The following EYS variants were observed in gnomAD, a reference collection of about 807,000 sequenced individuals.
EYS encodes the protein protein eyes shut homolog.
EYS carries 250 observed loss-of-function variants against 282.1 expected under a neutral mutation model. The ratio of observed to expected loss-of-function variants is 0.89; its 90% confidence interval spans 0.80 to 0.98. The LOEUF (loss-of-function observed/expected upper bound fraction) is 0.98, where lower values mean the gene tolerates loss of function less well. EYS is among the 50% of genes least tolerant of loss of function. The probability of loss-of-function intolerance (pLI) is 0.00; values close to 1 mark genes in which losing one functional copy is unlikely to be tolerated. For missense variants in EYS, 4,016 were observed against 3,709.0 expected (o/e 1.08, Z -2.15); for synonymous variants, 1,355 against 1,282.9 (o/e 1.06, Z -1.20).
rs183398983 is a variant in EYS at position 65,103,806 on chromosome 6, A to C, written c.2024-46079T>G. Among the ~76,000 whole-genome samples the C allele has an allele frequency of 4.0e-3, 607 of 151,480 alleles. 7 individuals carry two copies. The highest frequency in any genetic ancestry group is 0.031 in the South Asian group (149 of 4,810). On this transcript the variant is annotated intron_variant, in intron 12 of 42. Transcript: ENST00000503581. ...CCTAGCTTGTTCCTACTATGCTACTATGCTATAGCATTAATAGTCACCCCC... is the reference window on the plus strand; with the variant it reads ...CCTAGCTTGTTCCTACTATGCTACTCTGCTATAGCATTAATAGTCACCCCC...
intron 22 of EYS, among the ~76,000 whole-genome samples, chr6:64,643,907 G>A (rs909925804): frequency 4.4e-4 from 67 of 152,122 alleles, no homozygotes; most frequent in Admixed American, 4.4e-3. Context: ...CTCAGTCTTG[G>A]GTAGGTCTTT....
At chr6:63,988,165 G>T (rs1337826559) in intron 34 of EYS, among the ~76,000 whole-genome samples, 2 of 151,654 alleles carry the variant, frequency 1.3e-5, no homozygotes, top group African/African-American at 4.8e-5. Context: ...ACTATTAGCA[G>T]ATCTGTCTAT....
intron 32 of EYS, among the ~76,000 whole-genome samples, chr6:64,070,469 G>A (rs1021960662): frequency 3.3e-5 from 5 of 152,020 alleles, no homozygotes; most frequent in Non-Finnish European, 7.4e-5. Context: ...GACAGCTTGA[G>A]TTTTATCGGC....
intron 12 of EYS, among the ~76,000 whole-genome samples, chr6:65,250,713 A>C (rs1396769430): frequency 6.6e-6 from 1 of 151,956 alleles, no homozygotes. Context: ...AATACAGATG[A>C]CCAAATTTGA....
At chr6:64,628,478 C>T (rs1353222108) in intron 22 of EYS, among the ~76,000 whole-genome samples, 1 of 151,944 alleles carries the variant, frequency 6.6e-6, no homozygotes. Flanking sequence ...TGCAGTGGCC[C>T]GATTATAGCT....
intron 26 of EYS, among the ~76,000 whole-genome samples, chr6:64,505,434 G>T (rs998460208): frequency 6.6e-6 from 1 of 152,036 alleles, no homozygotes; most frequent in Non-Finnish European, 1.5e-5. Context: ...CACTGCTTTC[G>T]TATTTCAGGC....
At chr6:64,373,803 G>C (rs1772470653) in intron 29 of EYS, among the ~76,000 whole-genome samples, 1 of 152,184 alleles carries the variant, frequency 6.6e-6, no homozygotes, top group Non-Finnish European at 1.5e-5. Flanking sequence ...AGAAGCTCTA[G>C]TAGGCTTTTC....
intron 26 of EYS, among the ~76,000 whole-genome samples, chr6:64,533,723 C>T (rs1764427577): frequency 6.6e-6 from 1 of 151,694 alleles, no homozygotes; most frequent in African/African-American, 2.4e-5. Flanking sequence ...TTATATCAGA[C>T]AAAAATCCAG....
intron 31 of EYS, among the ~76,000 whole-genome samples, chr6:64,148,386 CT>C (rs1388065845): frequency 6.6e-6 from 1 of 152,072 alleles, no homozygotes. Context: ...TTTATCTCAT[CT>C]GCTAGCTCTT....
chr6:65,325,579 C>T (rs1348317099), intron 11 of EYS, among the ~76,000 whole-genome samples: 2 of 152,052 alleles, frequency 1.3e-5, no homozygotes, highest in African/African-American at 2.4e-5. Context: ...TAAAGTCACT[C>T]AGATTCAAAA....
At chr6:65,464,641 C>G (rs1444904072) in intron 5 of EYS, among the ~76,000 whole-genome samples, 1 of 152,154 alleles carries the variant, frequency 6.6e-6, no homozygotes, top group Non-Finnish European at 1.5e-5. Context: ...TAAACCATCT[C>G]CTCTCCCCAG....
At chr6:63,721,838 A>G (rs1177512732) in intron 42 of EYS, 41 bp from the exon 43 acceptor site, 2 of 1,496,200 alleles carry the variant, frequency 1.3e-6, no homozygotes, top group East Asian at 4.9e-5. Context: ...GCAACAGTAA[A>G]AGTTTCCATT....
At chr6:65,626,130 A>G (rs1766681529) in intron 2 of EYS, among the ~76,000 whole-genome samples, 1 of 152,118 alleles carries the variant, frequency 6.6e-6, no homozygotes, top group Admixed American at 6.5e-5. Context: ...ATCATCTCCT[A>G]TACACGTTTT....
intron 1 of EYS, among the ~76,000 whole-genome samples, chr6:65,701,720 A>G (rs1266095409): frequency 6.6e-6 from 1 of 152,128 alleles, no homozygotes; most frequent in Non-Finnish European, 1.5e-5. Context: ...AAAATTCACA[A>G]TCTTTGTTGT....
intron 26 of EYS, among the ~76,000 whole-genome samples, chr6:64,510,093 T>A (rs1482531956): frequency 6.6e-6 from 1 of 152,072 alleles, no homozygotes; most frequent in Non-Finnish European, 1.5e-5. Flanking sequence ...AAGGCTGCTT[T>A]AAGAAAAAGT....
chr6:64,679,414 T>A (rs1040843769), intron 22 of EYS, among the ~76,000 whole-genome samples: 1 of 152,184 alleles, frequency 6.6e-6, no homozygotes, highest in Non-Finnish European at 1.5e-5. Context: ...GTAGCTTTAT[T>A]TTTTTCCCAC....
At chr6:63,793,520 T>C (rs1047276446) in intron 37 of EYS, among the ~76,000 whole-genome samples, 2 of 152,250 alleles carry the variant, frequency 1.3e-5, no homozygotes, top group Non-Finnish European at 2.9e-5. Context: ...TTGCACAATA[T>C]AAAAATGAAT....
chr6:65,628,232 C>G (rs967925092), intron 2 of EYS, among the ~76,000 whole-genome samples: 1 of 152,182 alleles, frequency 6.6e-6, no homozygotes, highest in Non-Finnish European at 1.5e-5. Context: ...CCAATCGACA[C>G]TCCGTATCTA....
intron 19 of EYS, among the ~76,000 whole-genome samples, chr6:64,854,704 G>T (rs1438784981): frequency 1.3e-5 from 2 of 151,776 alleles, no homozygotes; most frequent in African/African-American, 4.8e-5. Flanking sequence ...TAACTAACCT[G>T]CACATTGTGC....
Sources: gnomAD v4.1 joint callset for allele counts (sites outside exome capture counted in the v4.1 genomes callset) on GRCh38, gnomAD v4.1.1 for gene constraint, MANE v1.5 for transcripts, NCBI Gene and HGNC (gene_info 2026-07-23, HGNC 2026-07-21) for gene names.